Variants in COL18A1 observed in about 807,000 individuals in gnomAD.
COL18A1 encodes collagen alpha-1(XVIII) chain.
COL18A1 carries 133 observed loss-of-function variants against 168.0 expected under a neutral mutation model. The ratio of observed to expected loss-of-function variants is 0.79; its 90% CI spans 0.69 to 0.91. The LOEUF (loss-of-function observed/expected upper bound fraction) is 0.91, where lower values mean the gene tolerates loss of function less well. COL18A1 is among the 40% of genes least tolerant of loss of function. The pLI is 0.00. For missense variants in COL18A1, 2,126 were observed against 1,925.4 expected, an observed-to-expected ratio of 1.10 and a Z score of -1.95; for synonymous variants, 949 against 809.0, an observed-to-expected ratio of 1.17 and a Z score of -2.94.
chr21:45,460,597 A>G (rs1223250456), intron 2 of COL18A1, among the ~76,000 whole-genome samples: 1 of 152,322 alleles, frequency 6.6e-6, no homozygotes, highest in East Asian at 1.9e-4. Context: ...GTGTCCTTAT[A>G]TGGTGCTTAC....
At chr21:45,439,603 CG>C (rs1335101039) in intron 2 of COL18A1, among the ~76,000 whole-genome samples, 1 of 146,310 alleles carries the variant, frequency 6.8e-6, no homozygotes, top group Non-Finnish European at 1.6e-5. Flanking sequence ...GGAAGCGCGT[CG>C]CGCGGGCTCC....
chr21:45,494,829 G>A (rs775530929), intron 27 of COL18A1, 33 bp from the exon 28 acceptor site: 12 of 1,591,312 alleles, frequency 7.5e-6, no homozygotes, highest in Non-Finnish European at 9.4e-6. Context: ...GCCAGGGTCT[G>A]CCCCACTAAG....
chr21:45,467,879 A>G (rs1360730611), intron 2 of COL18A1, among the ~76,000 whole-genome samples: 3 of 152,104 alleles, frequency 2.0e-5, no homozygotes, highest in Non-Finnish European at 4.4e-5. Flanking sequence ...TCTGCCCATC[A>G]ATGCTCAAAG....
In COL18A1 at chr21:45,457,063, G is replaced by T. The variant is rs550625884; in HGVS notation, c.107-11179G>T. ...CCTCCTGTGTGGGGAGGAGGCCGGC[G>T]TCTGGACAGGAAGAGGGCTGGATGA... On this transcript the variant is annotated intron_variant, in intron 2 of 41. Coordinates refer to ENST00000651438, the MANE Select transcript of COL18A1 (RefSeq NM_001379500.1). The surrounding 1 kb of genome is among the most constrained non-coding windows in gnomAD (Gnocchi z 4.6). Among the ~76,000 whole-genome samples, 7 of 152,318 alleles carry T rather than the reference G, an allele frequency of 4.6e-5. No individual in the cohort carries two copies. The South Asian group carries it at 6.2e-4, about 14-fold the overall frequency.
At chr21:45,506,730 ACCCACCTTCCTTCTAGAGCCCT>A (rs1179113001) in intron 37 of COL18A1, 4 of 159,984 alleles carry the variant, frequency 2.5e-5, no homozygotes, top group South Asian at 1.7e-4. Context: ...CTTCCAACAC[ACCCACCTTCCTTCTAGAGCCCT>A]CCCACCTTCC....
chr21:45,490,522 TC>T (rs1159973613), intron 20 of COL18A1, among the ~76,000 whole-genome samples, 176 bp downstream of exon 20: 1 of 101,794 alleles, frequency 9.8e-6, no homozygotes, highest in Non-Finnish European at 2.0e-5. Context: ...GTGTGCCCAC[TC>T]CCGGGTCTCT....
chr21:45,490,866 G>T lies in COL18A1; in HGVS notation c.2062G>T (p.Glu688Ter). The T allele has an allele frequency of 6.5e-7, 1 of 1,549,732 alleles. No homozygotes were observed. The highest frequency in any genetic ancestry group is 1.2e-5 in the South Asian group (1 of 84,040). Residue 688 changes from glutamate (E) to a stop codon, truncating the protein, a stop_gained, in exon 21 of 42, where the codon GAA becomes TAA. Coordinates refer to ENST00000651438, the MANE Select transcript of COL18A1 (RefSeq NM_001379500.1). LOFTEE classifies it high-confidence loss of function. ...AAAGGGAGACAGAGGCAGCCGGGGA[G>T]AAAAGGTGAGTGTCCCTGGGGCGGG... ...GPKGDRGSRG[E>*]KGDPGKDGVG...
intron 5 of COL18A1, among the ~76,000 whole-genome samples, chr21:45,475,974 G>A (rs565767087): frequency 6.6e-6 from 1 of 152,346 alleles, no homozygotes; most frequent in African/African-American, 2.4e-5. Flanking sequence ...CAGGAGGGGC[G>A]GGGAGTGGGG....
intron 2 of COL18A1, among the ~76,000 whole-genome samples, chr21:45,426,266 G>A (rs1343668790): frequency 6.6e-6 from 1 of 152,092 alleles, no homozygotes; most frequent in Non-Finnish European, 1.5e-5. Flanking sequence ...CACCACACCT[G>A]GCTAATTTTT....
At chr21:45,413,068 G>A (rs772501585) in intron 2 of COL18A1, among the ~76,000 whole-genome samples, 1 of 152,168 alleles carries the variant, frequency 6.6e-6, no homozygotes, top group Admixed American at 6.5e-5. Context: ...CGGCTTCCTG[G>A]GGTGTGTCCT....
In COL18A1 at chr21:45,512,430, C is replaced by A. The variant is rs774240786; in HGVS notation, c.*32C>A. The stretch of plus-strand genomic sequence containing the variant: ...CCTGGATGCGGATGGCCGGAGAGGA[C>A]CGGCGGCTCGGAGGAAGCCCCCACC... On this transcript the variant is annotated 3_prime_UTR_variant, in exon 42 of 42. Transcript: ENST00000651438. 1 of 1,599,144 alleles carries A rather than the reference C, an allele frequency of 6.3e-7. No individual in the cohort carries two copies.
rs201978760 is a variant in COL18A1 at position 45,411,765 on chromosome 21, GT to G, written c.106+6293del. 2.2e-3 allele frequency among the ~76,000 whole-genome samples: 277 copies of G among 127,218 alleles called. 21 individuals are homozygous for G. The highest frequency in any genetic ancestry group is 0.016 in the East Asian group (47 of 2,878). 83.5% of individuals were successfully genotyped at this position (127,218 alleles called of 152,430 possible). A position where few individuals can be genotyped will look rare whatever the true frequency, so the allele number is the denominator to read the frequency against. On this transcript the variant is annotated intron_variant, in intron 2 of 41. Transcript: ENST00000651438. Reference sequence around the variant, plus strand: ...CCAGAGTCAGGGCTGATGGCGGGGGGTGGGGGGGGGGCAGGCTGTGGTCAGG... The same window carrying G: ...CCAGAGTCAGGGCTGATGGCGGGGGGGGGGGGGGGGCAGGCTGTGGTCAGG...
At chr21:45,435,081 C>G (rs1311195540) in intron 2 of COL18A1, among the ~76,000 whole-genome samples, 1 of 151,976 alleles carries the variant, frequency 6.6e-6, no homozygotes, top group Non-Finnish European at 1.5e-5. Flanking sequence ...TGCTTTCTCG[C>G]AGCCCTGGTC....
chr21:45,437,218 A>ACT (rs756932383), intron 2 of COL18A1, among the ~76,000 whole-genome samples: 35 of 104,914 alleles, frequency 3.3e-4, no homozygotes, highest in South Asian at 6.3e-4. Flanking sequence ...CTGCACACAC[A>ACT]CACACAGACA....
In COL18A1 at chr21:45,512,494, C is replaced by T. The variant is rs984782511; in HGVS notation, c.*96C>T. 5 of 1,144,798 alleles carry T rather than the reference C, an allele frequency of 4.4e-6. No individual in the cohort carries two copies. Among genetic ancestry groups the T allele is most frequent in the East Asian group, 5.0e-5 (2 of 40,086 alleles). The allele number at this position is 1,144,798 out of a possible 1,614,324, so 70.9% of individuals were successfully genotyped here. On this transcript the variant is annotated 3_prime_UTR_variant, in exon 42 of 42. Transcript: ENST00000651438. The stretch of plus-strand genomic sequence containing the variant: ...GGCCGGCCAGCCCCTGGCCCCAGGA[C>T]CTGGCTGCCATACTTTCCTGTATAG...
intron 15 of COL18A1, among the ~76,000 whole-genome samples, chr21:45,484,611 ATG>A (rs2036043214): frequency 6.7e-6 from 1 of 148,158 alleles, no homozygotes; most frequent in African/African-American, 2.6e-5. Context: ...TCTGGTGTAT[ATG>A]TGCAACACAT....
At position 45,425,307 on chromosome 21, in the gene COL18A1, G is replaced by A. The variant is rs1379703869; in HGVS notation, c.106+19834G>A. Among the ~76,000 whole-genome samples the A allele has an allele frequency of 6.6e-6, 1 of 152,160 alleles. No homozygotes were observed. The highest frequency in any genetic ancestry group is 2.4e-5 in the African/African-American group (1 of 41,440). On this transcript the variant is annotated intron_variant, in intron 2 of 41. Coordinates refer to ENST00000651438, the MANE Select transcript of COL18A1 (RefSeq NM_001379500.1). The surrounding 1 kb of genome is among the most constrained non-coding windows in gnomAD (Gnocchi z 4.1). The stretch of plus-strand genomic sequence containing the variant: ...TGTGTGTGTGTGCTGTGAGTGCAGT[G>A]TGACCGCGTCCACCTGTCTCCCTGG...
At chr21:45,489,598 G>C (rs2036228180) in intron 19 of COL18A1, 77 bp downstream of exon 19, 1 of 959,460 alleles carries the variant, frequency 1.0e-6, no homozygotes. Context: ...GCGGAGATCA[G>C]CTCGGGGCGG....
At position 45,484,381 on chromosome 21, in the gene COL18A1, CAT is replaced by C. The variant is rs1333059022; in HGVS notation, c.1701+1561_1701+1562del. 6.5e-5 allele frequency among the ~76,000 whole-genome samples: 9 copies of C among 139,254 alleles called. 1 individual carries two copies. The highest frequency in any genetic ancestry group is 2.0e-4 in the African/African-American group (7 of 34,336). The allele number at this position is 139,254 out of a possible 152,430, so 91.4% of individuals were successfully genotyped here. ...GCGCACACACATACACGCACACACA[CAT>C]CTCCAGCATGTGTGTACACACACAC... On this transcript the variant is annotated intron_variant, in intron 15 of 41. Coordinates refer to ENST00000651438, the MANE Select transcript of COL18A1 (RefSeq NM_001379500.1).
Sources: allele counts gnomAD v4.1 joint callset (sites outside exome capture counted in the v4.1 genomes callset), GRCh38; gene constraint gnomAD v4.1.1; non-coding constraint Gnocchi (gnomAD v3.1); transcripts MANE v1.5; gene names NCBI Gene and HGNC (gene_info 2026-07-23, HGNC 2026-07-21).